Variants in LSP1 observed in about 807,000 individuals in gnomAD.
LSP1 encodes the protein lymphocyte specific protein 1.
A neutral mutation model predicts 49.3 loss-of-function variants in LSP1; 32 were observed. The observed-to-expected ratio is 0.65, with a 90% CI of 0.49 to 0.87. The LOEUF is 0.87. Among genes scored for constraint, LSP1 ranks in the 40% least tolerant of loss-of-function variants. LSP1 has a pLI of 0.00. For missense variants in LSP1, 428 were observed against 442.6 expected (o/e 0.97, Z 0.30); for synonymous variants, 179 against 178.8 (o/e 1.00, Z -0.01).
At chr11:1,889,376 G>A (rs555029560) in intron 10 of LSP1, 13 of 706,160 alleles carry the variant, frequency 1.8e-5, no homozygotes, top group South Asian at 3.0e-5. Context: ...GGTACAGCAC[G>A]GCATCCCACA....
chr11:1,878,935 C>T (rs1178504608), intron 1 of LSP1, among the ~76,000 whole-genome samples: 1 of 152,120 alleles, frequency 6.6e-6, no homozygotes, highest in Non-Finnish European at 1.5e-5. Context: ...ATGCCCAGGT[C>T]CAGGCCAGCC....
chr11:1,887,442 T>C (rs776435872), intron 9 of LSP1, 32 bp from the exon 10 acceptor site: 1 of 1,601,818 alleles, frequency 6.2e-7, no homozygotes. Context: ...TCTGCTGCTC[T>C]CACCTTCACT....
At position 1,873,963 on chromosome 11, in the gene LSP1, C is replaced by G. The variant is rs553487113; in HGVS notation, c.54-6124C>G. On this transcript the variant is annotated intron_variant, in intron 1 of 10. Coordinates refer to ENST00000311604, the MANE Select transcript of LSP1 (RefSeq NM_002339.3). ...GGAGGGAGGCCGGCAGAGCAGGGAG[C>G]CCGGCGGAGGAGGGAGGCCGGCGGA... Among the ~76,000 whole-genome samples, 328 of 33,964 alleles carry G rather than the reference C, an allele frequency of 9.7e-3. 1 individual carries two copies. The highest frequency in any genetic ancestry group is 0.019 in the African/African-American group (156 of 8,358). 22.3% of individuals were successfully genotyped at this position (33,964 alleles called of 152,430 possible). A position where few individuals can be genotyped will look rare whatever the true frequency, so the allele number is the denominator to read the frequency against.
At chr11:1,866,993 ACTGAAGCCGC>A (rs1847814939) in intron 1 of LSP1, 11 of 1,350,116 alleles carry the variant, frequency 8.1e-6, no homozygotes, top group Middle Eastern at 2.5e-4. Flanking sequence ...GGGAGGAGAC[ACTGAAGCCGC>A]GTGGGCCCAG....
chr11:1,886,932 G>C, intron 8 of LSP1, 66 bp downstream of exon 8: 1 of 1,560,678 alleles, frequency 6.4e-7, no homozygotes, highest in Non-Finnish European at 8.7e-7. Flanking sequence ...GTAGCAGGCC[G>C]GGTTTCCTTG....
chr11:1,854,862 G>A lies in LSP1; in HGVS notation c.53+1665G>A, dbSNP rs529597725. Among the ~76,000 whole-genome samples, 8 of 152,296 alleles carry A rather than the reference G, an allele frequency of 5.3e-5. No homozygotes were observed. In the East Asian group the frequency reaches 1.2e-3, roughly 22 times the overall value. ...TGAGCCTCTGGGCTGGGGCACCCCC[G>A]CCTTCCTCCTTGGCCTCATCCTTGG... On this transcript the variant is annotated intron_variant, in intron 1 of 10. Coordinates refer to ENST00000311604, the MANE Select transcript of LSP1 (RefSeq NM_002339.3).
chr11:1,890,098 G>A (rs1848930353), intron 10 of LSP1: 1 of 716,578 alleles, frequency 1.4e-6, no homozygotes. Context: ...CCACTGGGGG[G>A]CCGGGTAGGT....
At chr11:1,866,301 C>T (rs74047621) in intron 1 of LSP1, among the ~76,000 whole-genome samples, 31,193 of 152,122 alleles carry the variant, frequency 0.21, 3,413 homozygotes, top group South Asian at 0.4. Context: ...GGGCTGGCAT[C>T]GGTCGGCTTG....
At chr11:1,883,049 G>A (rs1041735966) in intron 3 of LSP1, among the ~76,000 whole-genome samples, 12 of 152,228 alleles carry the variant, frequency 7.9e-5, no homozygotes, top group Admixed American at 3.9e-4. Flanking sequence ...CCAGCAGCCC[G>A]GCCTCGCGGG....
chr11:1,870,065 C>T (rs547398995), intron 1 of LSP1: 6 of 441,040 alleles, frequency 1.4e-5, no homozygotes, highest in Non-Finnish European at 2.4e-5. Context: ...GATAGGACTG[C>T]GCCCCTGGCG....
At chr11:1,853,674 C>T (rs567363046) in intron 1 of LSP1, among the ~76,000 whole-genome samples, 2 of 152,318 alleles carry the variant, frequency 1.3e-5, no homozygotes, top group Admixed American at 6.5e-5. Context: ...GTCTGGAGGC[C>T]GCCAGGCTTG....
intron 1 of LSP1, 47 bp downstream of exon 1, chr11:1,853,244 T>G (rs781017581): frequency 6.3e-7 from 1 of 1,584,190 alleles, no homozygotes; most frequent in East Asian, 2.3e-5. Flanking sequence ...TGTCCACGGG[T>G]GCATAGTCCT....
intron 1 of LSP1, among the ~76,000 whole-genome samples, chr11:1,858,781 G>A (rs1847551723): frequency 1.3e-5 from 2 of 152,238 alleles, no homozygotes; most frequent in Non-Finnish European, 2.9e-5. Flanking sequence ...CTGCATGGGG[G>A]TGGGGTTGAT....
At chr11:1,880,298 G>A (rs1848485732) in intron 2 of LSP1, 74 bp downstream of exon 2, 4 of 1,443,392 alleles carry the variant, frequency 2.8e-6, no homozygotes, top group Non-Finnish European at 3.7e-6. Context: ...AGAGGGGGAG[G>A]TCAAGGGCCT....
At chr11:1,883,385 C>T (rs1329674402) in intron 3 of LSP1, 34 bp from the exon 4 acceptor site, 9 of 1,612,916 alleles carry the variant, frequency 5.6e-6, no homozygotes, top group Non-Finnish European at 7.6e-6. Flanking sequence ...ATCCAATGGC[C>T]CTAGAACGGC....
At chr11:1,868,710 C>T in intron 1 of LSP1, 1 of 985,776 alleles carries the variant, frequency 1.0e-6, no homozygotes. Flanking sequence ...CCCGTCCTGC[C>T]CAGAAGCCCA....
In LSP1 at chr11:1,884,427, C is replaced by A; in HGVS notation, c.636-73C>A. The A allele has an allele frequency of 6.2e-7, 1 of 1,603,906 alleles. No homozygotes were observed. On this transcript the variant is annotated intron_variant, in intron 6 of 10. Transcript: ENST00000311604. This position sits in a 1 kb window ranked among gnomAD's most constrained non-coding sequence, Gnocchi z 4.1. Reference sequence around the variant, plus strand: ...AGAGATCTGGAGACCGAGGGGGGCTCTGGGAGAGGCTTGGGCAGGTTGGGA... The same window carrying A: ...AGAGATCTGGAGACCGAGGGGGGCTATGGGAGAGGCTTGGGCAGGTTGGGA...
chr11:1,855,361 C>G (rs1589802800), intron 1 of LSP1, among the ~76,000 whole-genome samples: 1 of 152,158 alleles, frequency 6.6e-6, no homozygotes, highest in East Asian at 1.9e-4. Context: ...CAAGACAGCC[C>G]CCCGTGCATG....
intron 1 of LSP1, chr11:1,866,591 A>G (rs1334292229): frequency 1.5e-5 from 23 of 1,548,504 alleles, no homozygotes; most frequent in Non-Finnish European, 2.0e-5. Flanking sequence ...GCCTCCCCCT[A>G]CCCCTGGCCC....
Sources: allele counts gnomAD v4.1 joint callset (sites outside exome capture counted in the v4.1 genomes callset), GRCh38; gene constraint gnomAD v4.1.1; non-coding constraint Gnocchi (gnomAD v3.1); transcripts MANE v1.5; gene names NCBI Gene and HGNC (gene_info 2026-07-23, HGNC 2026-07-21).